The following ZNF804A variants were observed in gnomAD, a reference collection of about 807,000 sequenced individuals.
ZNF804A encodes the protein zinc finger protein 804A.
Under a neutral mutation model 16.5 loss-of-function variants are expected in ZNF804A, and 2 were observed. That is an observed-to-expected ratio of 0.12 (90% CI 0.05 to 0.38). The LOEUF is 0.38. ZNF804A is among the 10% of genes least tolerant of loss of function. The pLI is 0.99. For synonymous variants in ZNF804A, 534 were observed against 489.6 expected (o/e 1.09, Z -1.20); for missense variants, 1,473 against 1,390.7 (o/e 1.06, Z -0.94).
At chr2:184,859,625 A>G (rs1317309622) in intron 1 of ZNF804A, among the ~76,000 whole-genome samples, 3 of 151,700 alleles carry the variant, frequency 2.0e-5, no homozygotes, top group Non-Finnish European at 2.9e-5. Flanking sequence ...CTAGTGGGAG[A>G]TTTTGTTCTT....
chr2:184,601,261 T>G (rs1379254031), intron 1 of ZNF804A, among the ~76,000 whole-genome samples: 2 of 152,100 alleles, frequency 1.3e-5, no homozygotes, highest in African/African-American at 4.8e-5. Context: ...TGTCTTTAAG[T>G]ATAACAGAAA....
At chr2:184,798,464 T>G (rs994076367) in intron 1 of ZNF804A, among the ~76,000 whole-genome samples, 4 of 151,998 alleles carry the variant, frequency 2.6e-5, no homozygotes, top group African/African-American at 9.7e-5. Context: ...CTTTGTTGGA[T>G]TGGGTTAATT....
chr2:184,708,393 AACTAT>A (rs1693066454), intron 1 of ZNF804A, among the ~76,000 whole-genome samples: 1 of 152,130 alleles, frequency 6.6e-6, no homozygotes, highest in South Asian at 2.1e-4. Context: ...CCCAACCTCA[AACTAT>A]ACTATAAGGT....
intron 2 of ZNF804A, among the ~76,000 whole-genome samples, chr2:184,919,853 T>C (rs1015491743): frequency 6.6e-6 from 1 of 152,164 alleles, no homozygotes; most frequent in Non-Finnish European, 1.5e-5. Context: ...TGGTGGCTTA[T>C]GCCTGTAATC....
chr2:184,914,569 T>G (rs1685416305), intron 2 of ZNF804A, among the ~76,000 whole-genome samples: 1 of 152,190 alleles, frequency 6.6e-6, no homozygotes, highest in South Asian at 2.1e-4. Flanking sequence ...ATATTCCACC[T>G]TTATTCTGTG....
chr2:184,676,936 A>T lies in ZNF804A; in HGVS notation c.111+77866A>T, dbSNP rs186159556. Among the ~76,000 whole-genome samples the T allele has an allele frequency of 5.5e-4, 83 of 152,034 alleles. 1 individual carries two copies. The highest frequency in any genetic ancestry group is 9.6e-4 in the Non-Finnish European group (65 of 67,804). On this transcript the variant is annotated intron_variant, in intron 1 of 3. Transcript: ENST00000302277. The stretch of plus-strand genomic sequence containing the variant: ...CAACATAAATAAATTTTATTAAAAA[A>T]ATATTTATTTAACTTTACTCTTCAT...
intron 1 of ZNF804A, among the ~76,000 whole-genome samples, chr2:184,793,561 T>G (rs546793980): frequency 6.6e-6 from 1 of 152,288 alleles, no homozygotes; most frequent in African/African-American, 2.4e-5. Flanking sequence ...GTTGGCCATT[T>G]GTATGTCTAT....
rs370291591 is a variant in ZNF804A at position 184,862,990 on chromosome 2, A to G, written c.112-3379A>G. On this transcript the variant is annotated intron_variant, in intron 1 of 3. Transcript: ENST00000302277. ...CATCCTGATTTAGAGAGATATACTG[A>G]AATATTTACAGATAAAGTGATATAA... is the stretch of plus-strand genomic sequence containing the variant. Among the ~76,000 whole-genome samples, 5 of 152,142 alleles carry G rather than the reference A, an allele frequency of 3.3e-5. No homozygotes were observed. In the East Asian group the frequency reaches 9.6e-4, roughly 29 times the overall value.
At chr2:184,791,794 G>A (rs919153287) in intron 1 of ZNF804A, among the ~76,000 whole-genome samples, 4 of 152,030 alleles carry the variant, frequency 2.6e-5, no homozygotes, top group Non-Finnish European at 4.4e-5. Flanking sequence ...CACGGTAATA[G>A]TATCACATAG....
chr2:184,696,513 T>C (rs1271656661), intron 1 of ZNF804A, among the ~76,000 whole-genome samples: 2 of 152,084 alleles, frequency 1.3e-5, no homozygotes, highest in African/African-American at 4.8e-5. Context: ...AGGATGAGAG[T>C]TTCTGGGAAT....
At chr2:184,654,621 G>A (rs1333541302) in intron 1 of ZNF804A, among the ~76,000 whole-genome samples, 1 of 152,114 alleles carries the variant, frequency 6.6e-6, no homozygotes, top group Non-Finnish European at 1.5e-5. Flanking sequence ...GATCTTTGCT[G>A]CTAAGTGTTC....
At chr2:184,900,396 G>A (rs1312869225) in intron 2 of ZNF804A, among the ~76,000 whole-genome samples, 2 of 152,036 alleles carry the variant, frequency 1.3e-5, no homozygotes, top group Non-Finnish European at 2.9e-5. Context: ...GAGTGAGGAG[G>A]CTAATTCGCT....
At chr2:184,810,301 A>G (rs1694871824) in intron 1 of ZNF804A, among the ~76,000 whole-genome samples, 2 of 152,126 alleles carry the variant, frequency 1.3e-5, no homozygotes, top group African/African-American at 4.8e-5. Context: ...GGTTGTAAGA[A>G]TTCATCTGGA....
At chr2:184,678,636 T>C (rs1046175571) in intron 1 of ZNF804A, among the ~76,000 whole-genome samples, 24 of 152,140 alleles carry the variant, frequency 1.6e-4, no homozygotes, top group Admixed American at 4.6e-4. Context: ...TTGCATTGCT[T>C]TTCTTGATTT....
chr2:184,737,935 C>G (rs1312936672), intron 1 of ZNF804A, among the ~76,000 whole-genome samples: 1 of 151,958 alleles, frequency 6.6e-6, no homozygotes, highest in Non-Finnish European at 1.5e-5. Context: ...ACCAGCCTGA[C>G]CAACATGGAG....
chr2:184,657,598 T>C (rs759210897), intron 1 of ZNF804A, among the ~76,000 whole-genome samples: 2 of 152,216 alleles, frequency 1.3e-5, no homozygotes, highest in Non-Finnish European at 2.9e-5. Flanking sequence ...GTATACAATT[T>C]GGTGTATGTC....
intron 1 of ZNF804A, among the ~76,000 whole-genome samples, chr2:184,626,008 A>C (rs919341745): frequency 6.6e-6 from 1 of 152,102 alleles, no homozygotes. Flanking sequence ...AGCTGGGACT[A>C]CAGGTGCCCG....
chr2:184,826,444 A>G (rs1695170173), intron 1 of ZNF804A, among the ~76,000 whole-genome samples: 1 of 152,124 alleles, frequency 6.6e-6, no homozygotes, highest in Admixed American at 6.6e-5. Flanking sequence ...TTATTTTCAG[A>G]TTAAATTTCA....
intron 1 of ZNF804A, among the ~76,000 whole-genome samples, chr2:184,834,748 T>G (rs1298549212): frequency 6.6e-6 from 1 of 152,146 alleles, no homozygotes; most frequent in Non-Finnish European, 1.5e-5. Flanking sequence ...CCATAGAATA[T>G]TTATGATTGC....
Sources: gnomAD v4.1 joint callset for allele counts (sites outside exome capture counted in the v4.1 genomes callset) on GRCh38, gnomAD v4.1.1 for gene constraint, MANE v1.5 for transcripts, NCBI Gene and HGNC (gene_info 2026-07-23, HGNC 2026-07-21) for gene names.